SLC1A3: variants seen among roughly 807,000 people sequenced by gnomAD.
The protein encoded by SLC1A3 is solute carrier family 1 member 3.
In SLC1A3, 21 loss-of-function variants were observed where a neutral mutation model predicts 48.1. That is an observed-to-expected ratio of 0.44 (90% confidence interval 0.31 to 0.63). SLC1A3 has a LOEUF of 0.63. Ranked by LOEUF, SLC1A3 falls within the 20% of genes least tolerant of loss-of-function variation. SLC1A3 has a pLI of 0.08. For missense variants in SLC1A3, 546 were observed against 689.0 expected (o/e 0.79, Z 2.32); for synonymous variants, 239 against 251.4 (o/e 0.95, Z 0.47).
Position 36,686,168 on chromosome 5 carries a change from G to C in SLC1A3, c.1528G>C (p.Gly510Arg). The C allele has an allele frequency of 6.2e-7, 1 of 1,613,948 alleles. No individual in the cohort carries two copies. Among genetic ancestry groups the C allele is most frequent in the Non-Finnish European group, 8.5e-7 (1 of 1,179,852 alleles). Residue 510 changes from glycine (G) to arginine (R), a missense_variant, in exon 10 of 10, where the codon GGT becomes CGT. Physicochemically the swap from Gly to Arg is moderately radical, Grantham distance 125. This residue lies in a region of SLC1A3 where 56 missense variants were observed against 59.0 expected (regional missense o/e 0.95). Coordinates refer to ENST00000265113, the MANE Select transcript of SLC1A3 (RefSeq NM_004172.5). ...ACTGAAGAACAGAGATGTTGAAATG[G>C]GTAACTCAGTGATTGAAGAGAATGA... ...HELKNRDVEM[G>R]NSVIEENEMK...
At chr5:36,637,864 TC>T (rs1740454167) in intron 3 of SLC1A3, among the ~76,000 whole-genome samples, 1 of 152,078 alleles carries the variant, frequency 6.6e-6, no homozygotes, top group South Asian at 2.1e-4. Flanking sequence ...GTGCCCAGCT[TC>T]CAATCCCTGC....
At chr5:36,628,531 A>C (rs996354390) in intron 2 of SLC1A3, among the ~76,000 whole-genome samples, 1 of 152,238 alleles carries the variant, frequency 6.6e-6, no homozygotes, top group Non-Finnish European at 1.5e-5. Context: ...AATAATAGCA[A>C]GGCAAAAACT....
chr5:36,624,464 G>T (rs189877416), intron 2 of SLC1A3, among the ~76,000 whole-genome samples: 1 of 152,178 alleles, frequency 6.6e-6, no homozygotes, highest in African/African-American at 2.4e-5. Context: ...CTACTGTGGC[G>T]CCAGCCTGCC....
At chr5:36,620,091 A>ATCCCATCC (rs1258305122) in intron 2 of SLC1A3, among the ~76,000 whole-genome samples, 6 of 152,352 alleles carry the variant, frequency 3.9e-5, no homozygotes, top group Non-Finnish European at 7.3e-5. Context: ...TAAGTTTGCC[A>ATCCCATCC]TCCCATCCTC....
intron 3 of SLC1A3, among the ~76,000 whole-genome samples, chr5:36,647,733 T>G (rs1393106335): frequency 1.3e-5 from 2 of 152,238 alleles, no homozygotes; most frequent in East Asian, 1.9e-4. Flanking sequence ...AAATTTTGAC[T>G]GAAGGGCCAT....
intron 2 of SLC1A3, 105 bp from the exon 3 acceptor site, chr5:36,629,345 T>C: frequency 1.0e-6 from 1 of 1,002,940 alleles, no homozygotes; most frequent in Non-Finnish European, 1.5e-6. Flanking sequence ...GCTGCTTAAA[T>C]AAATACAACC....
intron 8 of SLC1A3, among the ~76,000 whole-genome samples, chr5:36,681,965 T>C (rs1742458903): frequency 6.6e-6 from 1 of 152,226 alleles, no homozygotes; most frequent in African/African-American, 2.4e-5. Flanking sequence ...CTCTACCAGA[T>C]GGAAAAATTG....
Position 36,673,243 on chromosome 5 carries a change from CCTGTGATA to C in SLC1A3, c.525-805_525-798del, listed in dbSNP as rs1331330859. ...AACGTGCAACTGCTGGATTCTTGAG[CCTGTGATA>C]ACTGCTGGATCATTTCTCCTTCTCC... On this transcript the variant is annotated intron_variant, in intron 4 of 9. Transcript: ENST00000265113. Among the ~76,000 whole-genome samples the C allele has an allele frequency of 2.0e-5, 3 of 152,142 alleles. 1 individual carries two copies. The highest frequency in any genetic ancestry group is 4.4e-5 in the Non-Finnish European group (3 of 68,032).
intron 1 of SLC1A3, among the ~76,000 whole-genome samples, chr5:36,599,715 T>C (rs1211766887): frequency 1.3e-5 from 2 of 150,874 alleles, no homozygotes; most frequent in African/African-American, 4.9e-5. Context: ...GCCATGTTGG[T>C]CAGGCTGGTC....
At chr5:36,617,806 A>T (rs1468599475) in intron 2 of SLC1A3, among the ~76,000 whole-genome samples, 1 of 152,138 alleles carries the variant, frequency 6.6e-6, no homozygotes, top group East Asian at 1.9e-4. Flanking sequence ...ATTGATGGAC[A>T]CTTCGGTTGT....
chr5:36,676,282 C>T (rs1235471742), intron 5 of SLC1A3, among the ~76,000 whole-genome samples: 1 of 152,184 alleles, frequency 6.6e-6, no homozygotes, highest in East Asian at 1.9e-4. Context: ...AGGGCTTTTT[C>T]ATTGAGCACC....
At chr5:36,648,232 A>T (rs1370181112) in intron 3 of SLC1A3, among the ~76,000 whole-genome samples, 1 of 152,082 alleles carries the variant, frequency 6.6e-6, no homozygotes, top group Non-Finnish European at 1.5e-5. Flanking sequence ...TTGCATTTCA[A>T]TTTTTTTACC....
At chr5:36,597,989 G>C (rs568608602) in intron 1 of SLC1A3, among the ~76,000 whole-genome samples, 17 of 152,172 alleles carry the variant, frequency 1.1e-4, no homozygotes, top group African/African-American at 4.1e-4. Context: ...TAAGATCCTC[G>C]AGGACTGCCA....
intron 2 of SLC1A3, chr5:36,609,064 C>G: frequency 1.0e-6 from 1 of 990,034 alleles, no homozygotes; most frequent in Non-Finnish European, 1.2e-6. Flanking sequence ...TGAGTATCAA[C>G]GCTTAGGCAC....
intron 8 of SLC1A3, among the ~76,000 whole-genome samples, chr5:36,682,237 C>A (rs1487570933): frequency 1.3e-5 from 2 of 152,136 alleles, no homozygotes; most frequent in African/African-American, 4.8e-5. Context: ...GTCTTAGTTT[C>A]TTTTCATCTA....
In SLC1A3 at chr5:36,597,233, CTTTTTTTTT is replaced by C. The variant is rs70976237; in HGVS notation, c.-96+578_-96+586del. On this transcript the variant is annotated intron_variant, in intron 1 of 9. Coordinates refer to the SLC1A3 transcript ENST00000680318. ...CACACCGAAAACTTCTTCTTCCTTT[CTTTTTTTTT>C]TTTTTTTTTTTTTTTTTTTTTTGAG... is the stretch of plus-strand genomic sequence containing the variant. Among the ~76,000 whole-genome samples the C allele has an allele frequency of 7.4e-3, 341 of 46,106 alleles. 1 individual carries two copies. The highest frequency in any genetic ancestry group is 0.051 in the South Asian group (43 of 842). The allele number at this position is 46,106 out of a possible 152,430, so 30.2% of individuals were successfully genotyped here.
intron 1 of SLC1A3, among the ~76,000 whole-genome samples, chr5:36,598,181 C>A (rs914945801): frequency 1.3e-5 from 2 of 152,200 alleles, no homozygotes; most frequent in African/African-American, 4.8e-5. Flanking sequence ...CTTGGTCCAA[C>A]CACTTAACCA....
intron 2 of SLC1A3, among the ~76,000 whole-genome samples, chr5:36,611,796 A>G (rs965596045): frequency 6.7e-6 from 1 of 149,576 alleles, no homozygotes; most frequent in Non-Finnish European, 1.5e-5. Flanking sequence ...AAGTTGTGTT[A>G]GAGTGACCTC....
At chr5:36,645,319 C>CTTTTT (rs68027582) in intron 3 of SLC1A3, among the ~76,000 whole-genome samples, 1,207 of 84,294 alleles carry the variant, frequency 0.014, 525 homozygotes, top group South Asian at 0.02. Context: ...CTTCCGCTGC[C>CTTTTT]TTTTTTTTTT....
Sources: gnomAD v4.1 joint callset for allele counts (sites outside exome capture counted in the v4.1 genomes callset) on GRCh38, gnomAD v4.1.1 for gene constraint, gnomAD v4.1.1 regional missense constraint, MANE v1.5 for transcripts, NCBI Gene and HGNC (gene_info 2026-07-23, HGNC 2026-07-21) for gene names.